PTPRD: variants seen among roughly 807,000 people sequenced by gnomAD.
PTPRD encodes protein tyrosine phosphatase receptor type D.
A neutral mutation model predicts 214.5 loss-of-function variants in PTPRD; 34 were observed. The observed-to-expected ratio is 0.16, with a 90% CI of 0.12 to 0.21. The LOEUF (loss-of-function observed/expected upper bound fraction) is 0.21. PTPRD is among the 10% of genes least tolerant of loss of function. The probability of loss-of-function intolerance (pLI) is 1.00; values close to 1 mark genes in which losing one functional copy is unlikely to be tolerated. For synonymous variants in PTPRD, 1,128 were observed against 845.7 expected, an observed-to-expected ratio of 1.33 and a Z score of -5.79; for missense variants, 2,545 against 2,398.7, an observed-to-expected ratio of 1.06 and a Z score of -1.27.
At chr9:8,851,968 G>A (rs1016033396) in intron 11 of PTPRD, among the ~76,000 whole-genome samples, 3 of 152,002 alleles carry the variant, frequency 2.0e-5, no homozygotes, top group Admixed American at 1.3e-4. Flanking sequence ...ATGGTTAAAT[G>A]AGAATTAACA....
At chr9:9,662,053 G>A (rs1049982194) in intron 7 of PTPRD, among the ~76,000 whole-genome samples, 2 of 151,666 alleles carry the variant, frequency 1.3e-5, no homozygotes, top group East Asian at 1.9e-4. Flanking sequence ...GTATATCAAT[G>A]CCAAGTTTTA....
intron 9 of PTPRD, among the ~76,000 whole-genome samples, chr9:9,271,282 A>G (rs1350604132): frequency 1.3e-5 from 2 of 150,486 alleles, no homozygotes; most frequent in East Asian, 3.9e-4. Flanking sequence ...TATTTTTCTC[A>G]TCTTAAAAAA....
At chr9:10,445,622 A>G (rs1264400732) in intron 2 of PTPRD, among the ~76,000 whole-genome samples, 1 of 152,120 alleles carries the variant, frequency 6.6e-6, no homozygotes, top group Non-Finnish European at 1.5e-5. Flanking sequence ...CATGTCTGGA[A>G]GACCAATGAA....
intron 7 of PTPRD, among the ~76,000 whole-genome samples, chr9:9,617,398 G>C (rs986523305): frequency 1.3e-5 from 2 of 152,166 alleles, no homozygotes; most frequent in African/African-American, 4.8e-5. Context: ...ATATAATATA[G>C]ACAATTAGAG....
intron 3 of PTPRD, among the ~76,000 whole-genome samples, chr9:10,075,927 C>T (rs2098125601): frequency 6.6e-6 from 1 of 152,092 alleles, no homozygotes; most frequent in South Asian, 2.1e-4. Flanking sequence ...TTAAAGAAGT[C>T]TTCACACTCA....
intron 36 of PTPRD, among the ~76,000 whole-genome samples, chr9:8,389,756 T>G (rs1008745709): frequency 2.6e-5 from 4 of 152,162 alleles, no homozygotes; most frequent in South Asian, 2.1e-4. Context: ...TCCTCACCCA[T>G]GTGCTTCCCA....
At chr9:8,589,827 T>G (rs1033547903) in intron 14 of PTPRD, among the ~76,000 whole-genome samples, 1 of 152,204 alleles carries the variant, frequency 6.6e-6, no homozygotes, top group African/African-American at 2.4e-5. Flanking sequence ...TATAATGTTT[T>G]GTAGATTGCA....
chr9:10,274,988 G>A (rs1030567606), intron 3 of PTPRD, among the ~76,000 whole-genome samples: 1 of 152,032 alleles, frequency 6.6e-6, no homozygotes, highest in African/African-American at 2.4e-5. Context: ...CATGTAACTA[G>A]GTATTGCATA....
At chr9:8,661,584 G>A (rs993339493) in intron 12 of PTPRD, among the ~76,000 whole-genome samples, 1 of 152,080 alleles carries the variant, frequency 6.6e-6, no homozygotes, top group Admixed American at 6.6e-5. Context: ...TACAACACTT[G>A]TTCCTTTTCA....
intron 7 of PTPRD, among the ~76,000 whole-genome samples, chr9:9,733,380 T>A (rs2098234223): frequency 2.0e-5 from 3 of 152,160 alleles, no homozygotes; most frequent in Non-Finnish European, 4.4e-5. Context: ...AACTTTAAGT[T>A]TTCTGTTTGT....
At chr9:9,777,631 A>T (rs10977973) in intron 5 of PTPRD, among the ~76,000 whole-genome samples, 23,511 of 152,074 alleles carry the variant, frequency 0.15, 2,270 homozygotes, top group East Asian at 0.28. Context: ...CAGGAGGTCA[A>T]GTTTCCAGTG....
intron 14 of PTPRD, among the ~76,000 whole-genome samples, chr9:8,617,367 G>T (rs376011787): frequency 1.3e-5 from 2 of 152,092 alleles, no homozygotes; most frequent in African/African-American, 2.4e-5. Flanking sequence ...TCTCAGGAGA[G>T]AGAACTGCTG....
intron 11 of PTPRD, among the ~76,000 whole-genome samples, chr9:8,905,338 C>T (rs890954843): frequency 6.6e-6 from 1 of 151,624 alleles, no homozygotes; most frequent in African/African-American, 2.4e-5. Context: ...CAGTGGTTGC[C>T]CTCGGAAGTG....
At chr9:9,246,409 G>A (rs1313699900) in intron 9 of PTPRD, among the ~76,000 whole-genome samples, 2 of 151,944 alleles carry the variant, frequency 1.3e-5, no homozygotes, top group African/African-American at 4.8e-5. Context: ...CACAAACTTT[G>A]TGCCTATTCC....
rs1158781915 is a variant in PTPRD at position 9,117,278 on chromosome 9, C to A, written c.-143+66026G>T. Among the ~76,000 whole-genome samples the A allele has an allele frequency of 2.8e-5, 4 of 143,814 alleles. No individual in the cohort carries two copies. The Admixed American group carries it at 2.8e-4, about 10-fold the overall frequency. The allele number at this position is 143,814 out of a possible 152,430, so 94.3% of individuals were successfully genotyped here. ...TTAACTTATACCCAAGTAATTAATT[C>A]GTGAGTACAAAAGCACTGTTAGATT... On this transcript the variant is annotated intron_variant, in intron 10 of 45. Transcript: ENST00000381196.
At chr9:8,396,440 A>G (rs1262972156) in intron 36 of PTPRD, among the ~76,000 whole-genome samples, 1 of 152,110 alleles carries the variant, frequency 6.6e-6, no homozygotes, top group Non-Finnish European at 1.5e-5. Context: ...AGAACCATAG[A>G]TGATGTAGGT....
intron 44 of PTPRD, among the ~76,000 whole-genome samples, chr9:8,321,221 G>T (rs1477645558): frequency 6.6e-6 from 1 of 151,640 alleles, no homozygotes; most frequent in Admixed American, 6.6e-5. Flanking sequence ...TTTGTTGAAT[G>T]ATCTAGGTAC....
chr9:8,384,958 T>C (rs2086477223), intron 37 of PTPRD, among the ~76,000 whole-genome samples: 1 of 152,336 alleles, frequency 6.6e-6, no homozygotes, highest in South Asian at 2.1e-4. Context: ...TGGAATTCTT[T>C]AAAGGCCACA....
chr9:9,698,955 G>C (rs1357230280), intron 7 of PTPRD, among the ~76,000 whole-genome samples: 2 of 152,208 alleles, frequency 1.3e-5, no homozygotes, highest in Non-Finnish European at 2.9e-5. Context: ...TAGAAGTTCG[G>C]TAATTCACTG....
Sources: allele counts gnomAD v4.1 joint callset (sites outside exome capture counted in the v4.1 genomes callset), GRCh38; gene constraint gnomAD v4.1.1; transcripts MANE v1.5; gene names NCBI Gene and HGNC (gene_info 2026-07-23, HGNC 2026-07-21).